Variants in TMEM244 observed in about 807,000 individuals in gnomAD.
TMEM244 encodes the protein putative transmembrane protein 244.
A neutral mutation model predicts 15.8 loss-of-function variants in TMEM244; 13 were observed. The observed-to-expected ratio is 0.82, with a 90% CI of 0.53 to 1.30. TMEM244 has a LOEUF of 1.30. TMEM244 is among the 50% of genes most tolerant of loss of function. TMEM244 has a pLI of 0.00. For missense variants in TMEM244, 161 were observed against 144.9 expected (o/e 1.11, Z -0.57); for synonymous variants, 45 against 48.7 (o/e 0.92, Z 0.32).
intron 3 of TMEM244, among the ~76,000 whole-genome samples, chr6:129,835,032 C>T (rs998877753): frequency 5.9e-5 from 9 of 152,144 alleles, no homozygotes; most frequent in African/African-American, 2.2e-4. Context: ...GAAAGCATGA[C>T]TTAAAGGAAG....
intron 3 of TMEM244, among the ~76,000 whole-genome samples, chr6:129,843,215 C>T (rs1044470007): frequency 6.6e-6 from 1 of 152,110 alleles, no homozygotes; most frequent in Non-Finnish European, 1.5e-5. Context: ...TATTTTTCTA[C>T]ATCAGCACAT....
chr6:129,846,461 C>A (rs2114640650), intron 1 of TMEM244, among the ~76,000 whole-genome samples: 1 of 152,198 alleles, frequency 6.6e-6, no homozygotes. Context: ...CTTTTCCTGA[C>A]AAATGTGTAA....
In TMEM244 at chr6:129,837,704, G is replaced by A. The variant is rs1042841316; in HGVS notation, c.194-4119C>T. Among the ~76,000 whole-genome samples the A allele has an allele frequency of 6.6e-5, 10 of 152,154 alleles. 1 individual carries two copies. The highest frequency in any genetic ancestry group is 2.2e-4 in the African/African-American group (9 of 41,426). ...CATCTCATGTGCAAAGACGCACATA[G>A]GCTCAAAATAAAGGGATGGAGGAAG... On this transcript the variant is annotated intron_variant, in intron 3 of 4. Transcript: ENST00000368143.
chr6:129,855,684 C>T (rs907552019), intron 1 of TMEM244, among the ~76,000 whole-genome samples: 2 of 152,140 alleles, frequency 1.3e-5, no homozygotes, highest in African/African-American at 4.8e-5. Flanking sequence ...TCCTCATGAT[C>T]AGATTCTTCG....
intron 3 of TMEM244, among the ~76,000 whole-genome samples, chr6:129,839,654 T>C (rs139069356): frequency 4.0e-4 from 61 of 152,334 alleles, no homozygotes; most frequent in African/African-American, 1.3e-3. Context: ...TGTTTGCAGA[T>C]GACATGATTG....
intron 3 of TMEM244, among the ~76,000 whole-genome samples, chr6:129,838,738 A>T (rs189524260): frequency 1.3e-5 from 2 of 152,334 alleles, no homozygotes; most frequent in Admixed American, 1.3e-4. Context: ...AAAAAATGAT[A>T]AGGGGGATAT....
At chr6:129,843,463 A>G in intron 3 of TMEM244, 67 bp downstream of exon 3, 1 of 1,148,644 alleles carries the variant, frequency 8.7e-7, no homozygotes, top group Non-Finnish European at 1.2e-6. Flanking sequence ...TTTTTTTATT[A>G]AAAAATTTAT....
At chr6:129,859,790 A>G (rs1431254428) in intron 1 of TMEM244, among the ~76,000 whole-genome samples, 1 of 152,218 alleles carries the variant, frequency 6.6e-6, no homozygotes, top group African/African-American at 2.4e-5. Flanking sequence ...GGCACATTGC[A>G]TGCACTCAAT....
chr6:129,841,427 G>A (rs762911217), intron 3 of TMEM244, among the ~76,000 whole-genome samples: 1 of 144,990 alleles, frequency 6.9e-6, no homozygotes, highest in Admixed American at 6.9e-5. Flanking sequence ...GTCGGGGGGT[G>A]GGGGGCTGGG....
At chr6:129,848,370 C>T (rs1013241921) in intron 1 of TMEM244, among the ~76,000 whole-genome samples, 2 of 152,224 alleles carry the variant, frequency 1.3e-5, no homozygotes, top group Non-Finnish European at 2.9e-5. Context: ...CATTACTGAA[C>T]AATCACAGGT....
rs1192029405 is a variant in TMEM244, at chr6:129,861,269, G to A, written c.-81C>T. 21 of 1,528,470 alleles carry A rather than the reference G, an allele frequency of 1.4e-5. No individual in the cohort carries two copies. Among genetic ancestry groups the A allele is most frequent in the African/African-American group, 5.5e-5 (4 of 72,790 alleles). 94.7% of individuals were successfully genotyped at this position (1,528,470 alleles called of 1,614,324 possible). A position where few individuals can be genotyped will look rare whatever the true frequency, so the allele number is the denominator to read the frequency against. On this transcript the variant is annotated 5_prime_UTR_variant, in exon 1 of 5. The change creates a new upstream start codon in the 5' untranslated region. Transcript: ENST00000368143. ...TCTGGAAGAAGACACAATTGTCACCGTGAGCTTTTCAATTACTCCTGGAGA... is the reference window on the plus strand; with the variant it reads ...TCTGGAAGAAGACACAATTGTCACCATGAGCTTTTCAATTACTCCTGGAGA...
At chr6:129,839,452 A>T (rs551821354) in intron 3 of TMEM244, among the ~76,000 whole-genome samples, 1 of 152,340 alleles carries the variant, frequency 6.6e-6, no homozygotes, top group African/African-American at 2.4e-5. Context: ...GCTATTTATG[A>T]CAAACCCACA....
At chr6:129,831,913 T>G (rs1165628873) in intron 4 of TMEM244, among the ~76,000 whole-genome samples, 1 of 152,090 alleles carries the variant, frequency 6.6e-6, no homozygotes, top group Non-Finnish European at 1.5e-5. Context: ...AATAGAGCAC[T>G]TCAGAAGCAG....
intron 3 of TMEM244, among the ~76,000 whole-genome samples, chr6:129,839,841 A>G (rs1274108944): frequency 3.3e-5 from 5 of 152,226 alleles, no homozygotes; most frequent in Non-Finnish European, 4.4e-5. Flanking sequence ...TGCTACAAAG[A>G]TAATAAAATA....
Sources: allele counts gnomAD v4.1 joint callset (sites outside exome capture counted in the v4.1 genomes callset), GRCh38; gene constraint gnomAD v4.1.1; transcripts MANE v1.5; gene names NCBI Gene and HGNC (gene_info 2026-07-23, HGNC 2026-07-21).